MCTP1: variants seen among roughly 807,000 people sequenced by gnomAD.
The protein encoded by MCTP1 is multiple C2 and transmembrane domain-containing protein 1.
In MCTP1, 69 loss-of-function variants were observed where a neutral mutation model predicts 120.6. That is an observed-to-expected ratio of 0.57 (90% CI 0.47 to 0.70). MCTP1 has a LOEUF of 0.70. MCTP1 is among the 30% of genes least tolerant of loss of function. The pLI is 0.00. For synonymous variants in MCTP1, 529 were observed against 493.1 expected, an observed-to-expected ratio of 1.07 and a Z score of -0.96; for missense variants, 1,203 against 1,248.8, an observed-to-expected ratio of 0.96 and a Z score of 0.55.
intron 2 of MCTP1, among the ~76,000 whole-genome samples, chr5:95,003,153 G>C (rs919461769): frequency 5.3e-5 from 8 of 152,164 alleles, no homozygotes; most frequent in Admixed American, 4.6e-4. Flanking sequence ...AGAACTGTGA[G>C]TTAATTAAAC....
chr5:95,075,686 C>T (rs1431597058), intron 1 of MCTP1, among the ~76,000 whole-genome samples: 1 of 151,934 alleles, frequency 6.6e-6, no homozygotes, highest in Non-Finnish European at 1.5e-5. Context: ...ATATTTTTAC[C>T]TTATTTAGTT....
chr5:94,878,656 C>A (rs779796964), intron 12 of MCTP1, among the ~76,000 whole-genome samples: 2 of 151,878 alleles, frequency 1.3e-5, no homozygotes, highest in Non-Finnish European at 2.9e-5. Flanking sequence ...TAAAATCATA[C>A]ATTGACTTAT....
intron 1 of MCTP1, among the ~76,000 whole-genome samples, chr5:95,195,857 A>G (rs1750329635): frequency 6.6e-6 from 1 of 152,198 alleles, no homozygotes; most frequent in Non-Finnish European, 1.5e-5. Flanking sequence ...GGGATTAAAG[A>G]CCTTTCTCTA....
chr5:94,953,286 A>C lies in MCTP1; in HGVS notation c.914T>G (p.Leu305Arg), dbSNP rs1190622682. The C allele has an allele frequency of 1.2e-6, 2 of 1,612,306 alleles. No homozygotes were observed. The highest frequency in any genetic ancestry group is 2.2e-5 in the South Asian group (2 of 90,850). The stretch of plus-strand genomic sequence containing the variant: ...AGCTTTTTCTTCCCACACAGGGTTG[A>C]GGTTCTTGTGTATTATCTTACTTCT... ...VFRSKIIHKNLNPVWEEKACI... is the reference protein window; with the variant it reads ...VFRSKIIHKNRNPVWEEKACI... The change falls in exon 3 of 23, where the codon CTC becomes CGC. Residue 305 changes from leucine (L) to arginine (R), a missense_variant. Physicochemically the swap from Leu to Arg is moderately radical, Grantham distance 102 (BLOSUM62 -2). Coordinates refer to ENST00000515393, the MANE Select transcript of MCTP1 (RefSeq NM_024717.7).
chr5:95,160,281 C>T (rs576742317), intron 1 of MCTP1, among the ~76,000 whole-genome samples: 6 of 152,048 alleles, frequency 3.9e-5, no homozygotes, highest in Non-Finnish European at 5.9e-5. Context: ...GAAAGAAAAG[C>T]GCAGATAAAA....
chr5:94,777,703 A>G (rs1775676037), intron 19 of MCTP1, among the ~76,000 whole-genome samples: 1 of 152,184 alleles, frequency 6.6e-6, no homozygotes, highest in Non-Finnish European at 1.5e-5. Flanking sequence ...CTACAGCTCT[A>G]CAACTGACCT....
In MCTP1 at chr5:95,125,213, T is replaced by C. The variant is rs775351240; in HGVS notation, c.721-107729A>G. ...CTGTATCTTCCAATCCAATCATTTG[T>C]TTAATTGATGTTAGTTACATTTTTA... On this transcript the variant is annotated intron_variant, in intron 1 of 22. Transcript: ENST00000515393. Among the ~76,000 whole-genome samples, 6 of 152,220 alleles carry C rather than the reference T, an allele frequency of 3.9e-5. No individual in the cohort carries two copies. The East Asian group carries it at 9.6e-4, about 24-fold the overall frequency.
chr5:95,201,264 C>T (rs1750979169), intron 1 of MCTP1, among the ~76,000 whole-genome samples: 1 of 152,080 alleles, frequency 6.6e-6, no homozygotes, highest in Non-Finnish European at 1.5e-5. Context: ...GTTAGAAATG[C>T]AGTCTCAGAT....
At chr5:94,721,153 T>A (rs1267732154) in intron 19 of MCTP1, among the ~76,000 whole-genome samples, 5 of 152,164 alleles carry the variant, frequency 3.3e-5, no homozygotes, top group Non-Finnish European at 5.9e-5. Flanking sequence ...GCCTTGAGAA[T>A]CACCATAGAG....
intron 17 of MCTP1, among the ~76,000 whole-genome samples, chr5:94,814,360 C>G (rs746999573): frequency 6.6e-6 from 1 of 152,092 alleles, no homozygotes; most frequent in Non-Finnish European, 1.5e-5. Context: ...GCCAACACTT[C>G]CAAAATATTT....
intron 12 of MCTP1, 68 bp downstream of exon 12, chr5:94,888,811 A>G: frequency 2.3e-6 from 2 of 869,440 alleles, no homozygotes; most frequent in South Asian, 1.6e-5. Flanking sequence ...GCAAAGTTGA[A>G]TTATTAAATG....
chr5:94,707,473 G>GT lies in MCTP1; in HGVS notation c.*22dup. On this transcript the variant is annotated 3_prime_UTR_variant, in exon 23 of 23. Coordinates refer to ENST00000515393, the MANE Select transcript of MCTP1 (RefSeq NM_024717.7). The stretch of plus-strand genomic sequence containing the variant: ...CTTTTATCTTCCCAAACAGATGCTG[G>GT]TCTCCTCAGTGCTGGGAGCTGGCTA... 1.3e-6 allele frequency: 2 copies of GT among 1,570,324 alleles called. No individual in the cohort carries two copies. Among genetic ancestry groups the GT allele is most frequent in the Non-Finnish European group, 1.7e-6 (2 of 1,142,912 alleles).
At chr5:95,039,135 T>C (rs1841879092) in intron 1 of MCTP1, among the ~76,000 whole-genome samples, 1 of 152,204 alleles carries the variant, frequency 6.6e-6, no homozygotes, top group Admixed American at 6.5e-5. Flanking sequence ...AAACACTTAG[T>C]ATCCTATGGT....
In MCTP1 at chr5:94,785,774, G is replaced by A. The variant is rs557603136; in HGVS notation, c.2557-6611C>T. Among the ~76,000 whole-genome samples, 14 of 151,960 alleles carry A rather than the reference G, an allele frequency of 9.2e-5. No homozygotes were observed. In the South Asian group the frequency reaches 1.7e-3, roughly 18 times the overall value. ...ATTGTTTTTAAGTGTCTAATAAAAG[G>A]TACACATTATTTAAAAAAATTTCTG... On this transcript the variant is annotated intron_variant, in intron 18 of 22. Transcript: ENST00000515393.
chr5:95,091,802 C>T (rs1755863829), intron 1 of MCTP1, among the ~76,000 whole-genome samples: 1 of 152,358 alleles, frequency 6.6e-6, no homozygotes, highest in Middle Eastern at 3.4e-3. Context: ...TTTTAAGCTG[C>T]TAGGTTTCAG....
intron 19 of MCTP1, among the ~76,000 whole-genome samples, chr5:94,721,603 C>G (rs547846268): frequency 1.3e-5 from 2 of 152,154 alleles, no homozygotes; most frequent in African/African-American, 4.8e-5. Flanking sequence ...ATTGTGGTCT[C>G]CAATCAATGA....
intron 1 of MCTP1, among the ~76,000 whole-genome samples, chr5:95,149,763 G>A (rs1265673184): frequency 1.3e-5 from 2 of 152,128 alleles, no homozygotes; most frequent in East Asian, 1.9e-4. Flanking sequence ...GGCCTTAAGC[G>A]GTGCCCTGCA....
At chr5:94,872,832 T>C (rs1017523443) in intron 13 of MCTP1, among the ~76,000 whole-genome samples, 1 of 152,018 alleles carries the variant, frequency 6.6e-6, no homozygotes, top group Non-Finnish European at 1.5e-5. Context: ...AGAATTTCAA[T>C]AGAAAGTATA....
At chr5:94,871,085 T>G in intron 14 of MCTP1, 112 bp from the exon 15 acceptor site, 1 of 862,822 alleles carries the variant, frequency 1.2e-6, no homozygotes, top group Non-Finnish European at 1.9e-6. Context: ...AAAACAACTG[T>G]GGCAATTCTG....
Sources: allele counts gnomAD v4.1 joint callset (sites outside exome capture counted in the v4.1 genomes callset), GRCh38; gene constraint gnomAD v4.1.1; transcripts MANE v1.5; gene names NCBI Gene and HGNC (gene_info 2026-07-23, HGNC 2026-07-21).